FRMD6: variants seen among roughly 807,000 people sequenced by gnomAD.
The protein encoded by FRMD6 is FERM domain-containing protein 6.
A neutral mutation model predicts 73.2 loss-of-function variants in FRMD6; 37 were observed. The ratio of observed to expected loss-of-function variants is 0.51; its 90% confidence interval spans 0.39 to 0.66. The LOEUF is 0.66. Ranked by LOEUF, FRMD6 falls within the 30% of genes least tolerant of loss-of-function variation. The pLI is 0.00. For synonymous variants in FRMD6, 273 were observed against 282.2 expected (o/e 0.97, Z 0.33); for missense variants, 714 against 780.5 (o/e 0.91, Z 1.02).
chr14:51,474,567 A>G, the FRMD6 span, among the ~76,000 whole-genome samples: 2 of 152,214 alleles, frequency 1.3e-5, no homozygotes, highest in Non-Finnish European at 2.9e-5. Flanking sequence ...AGAAAGGAAG[A>G]GGGAGAATTC....
the FRMD6 span, among the ~76,000 whole-genome samples, chr14:51,441,196 A>T: frequency 4.6e-5 from 7 of 152,216 alleles, no homozygotes; most frequent in Non-Finnish European, 1.0e-4. Context: ...TGTTATATGG[A>T]CACATTGTAT....
At chr14:51,479,259 G>A in the FRMD6 span, among the ~76,000 whole-genome samples, 1 of 152,158 alleles carries the variant, frequency 6.6e-6, no homozygotes, top group Non-Finnish European at 1.5e-5. Flanking sequence ...TAAAGGGTTG[G>A]TTTAACATTT....
chr14:51,562,103 G>A (rs543296532), intron 1 of FRMD6, among the ~76,000 whole-genome samples: 1 of 152,184 alleles, frequency 6.6e-6, no homozygotes, highest in Non-Finnish European at 1.5e-5. Context: ...ACTCCAAGAC[G>A]AGTTGAGCGA....
At chr14:51,520,925 A>G (rs967832075) in intron 1 of FRMD6, among the ~76,000 whole-genome samples, 18 of 152,130 alleles carry the variant, frequency 1.2e-4, no homozygotes, top group South Asian at 6.2e-4. Context: ...TACGTAAATA[A>G]AAAAAATAAA....
chr14:51,684,876 A>G (rs2140326244), intron 1 of FRMD6, among the ~76,000 whole-genome samples: 1 of 152,358 alleles, frequency 6.6e-6, no homozygotes, highest in East Asian at 1.9e-4. Context: ...ATATGTAGCT[A>G]GTGAAGTGAC....
At chr14:51,706,085 C>T (rs576499410) in intron 6 of FRMD6, among the ~76,000 whole-genome samples, 1 of 152,248 alleles carries the variant, frequency 6.6e-6, no homozygotes, top group South Asian at 2.1e-4. Flanking sequence ...TCTACGTATT[C>T]CTACCTCTGA....
chr14:51,424,962 A>G, the FRMD6 span, among the ~76,000 whole-genome samples: 1 of 152,304 alleles, frequency 6.6e-6, no homozygotes, highest in Middle Eastern at 3.4e-3. Flanking sequence ...CTGTGAACAC[A>G]TGGTGCATTT....
intron 12 of FRMD6, among the ~76,000 whole-genome samples, chr14:51,723,864 A>G (rs1173404216): frequency 6.6e-6 from 1 of 152,144 alleles, no homozygotes; most frequent in Non-Finnish European, 1.5e-5. Context: ...TTCAAACAAT[A>G]TTTAATAACA....
At chr14:51,562,866 G>T (rs1887555680) in intron 1 of FRMD6, among the ~76,000 whole-genome samples, 1 of 152,220 alleles carries the variant, frequency 6.6e-6, no homozygotes, top group Admixed American at 6.5e-5. Flanking sequence ...GATACTCTTG[G>T]ATATAGAATT....
chr14:51,459,519 T>G, the FRMD6 span, among the ~76,000 whole-genome samples: 1 of 152,134 alleles, frequency 6.6e-6, no homozygotes, highest in Non-Finnish European at 1.5e-5. Flanking sequence ...TACTCTTTGC[T>G]TTTCTCCTTG....
At chr14:51,587,339 C>A (rs1400947506) in intron 2 of FRMD6, among the ~76,000 whole-genome samples, 1 of 152,114 alleles carries the variant, frequency 6.6e-6, no homozygotes, top group Non-Finnish European at 1.5e-5. Flanking sequence ...GCAGTGACAC[C>A]TCTGAGTGTC....
intron 1 of FRMD6, among the ~76,000 whole-genome samples, chr14:51,661,059 T>A (rs1893189291): frequency 6.6e-6 from 1 of 152,090 alleles, no homozygotes; most frequent in South Asian, 2.1e-4. Context: ...GACTTGACTG[T>A]GAGTGGAATG....
At chr14:51,399,264 C>T in the FRMD6 span, among the ~76,000 whole-genome samples, 1 of 152,204 alleles carries the variant, frequency 6.6e-6, no homozygotes, top group South Asian at 2.1e-4. Flanking sequence ...ATGCATGTCT[C>T]ACACTTGTCT....
rs531658049 is a variant in FRMD6 at position 51,702,599 on chromosome 14, A to AGG, written c.371+15_371+16dup. 6.2e-7 allele frequency: 1 copy of AGG among 1,603,930 alleles called. No individual in the cohort carries two copies. The highest frequency in any genetic ancestry group is 1.1e-5 in the South Asian group (1 of 89,646). On this transcript the variant is annotated intron_variant, in intron 5 of 13. Coordinates refer to ENST00000344768, the MANE Select transcript of FRMD6 (RefSeq NM_001267046.2). ...TGGCAGATTGATCAGGTAAGAGGACAGGGGGTGATTCTAAACGCTTTTTTT... is the reference window on the plus strand; with the variant it reads ...TGGCAGATTGATCAGGTAAGAGGACAGGGGGGGTGATTCTAAACGCTTTTTTT...
At chr14:51,657,082 A>G (rs527701089) in intron 1 of FRMD6, among the ~76,000 whole-genome samples, 5 of 152,232 alleles carry the variant, frequency 3.3e-5, no homozygotes, top group Non-Finnish European at 2.9e-5. Context: ...TTCTTGATGC[A>G]TATTTTAGGA....
the FRMD6 span, among the ~76,000 whole-genome samples, chr14:51,413,763 A>G: frequency 6.6e-6 from 1 of 152,172 alleles, no homozygotes; most frequent in South Asian, 2.1e-4. Context: ...GAACTAGTTT[A>G]CACTCCTACC....
intron 1 of FRMD6, among the ~76,000 whole-genome samples, chr14:51,490,932 C>A (rs756764963): frequency 4.6e-4 from 70 of 152,224 alleles, no homozygotes; most frequent in Non-Finnish European, 9.7e-4. Flanking sequence ...AGATTTGGAC[C>A]CTGTTTGTGA....
chr14:51,535,289 ACAAT>A (rs1165609303), intron 1 of FRMD6, among the ~76,000 whole-genome samples: 2 of 152,208 alleles, frequency 1.3e-5, no homozygotes, highest in African/African-American at 4.8e-5. Context: ...CAACCATCAC[ACAAT>A]CAATTTTAGA....
At chr14:51,433,493 A>G in the FRMD6 span, among the ~76,000 whole-genome samples, 1 of 152,230 alleles carries the variant, frequency 6.6e-6, no homozygotes, top group African/African-American at 2.4e-5. Context: ...GAATACTAAA[A>G]GCTCATATCA....
Sources: gnomAD v4.1 joint callset for allele counts (sites outside exome capture counted in the v4.1 genomes callset) on GRCh38, gnomAD v4.1.1 for gene constraint, MANE v1.5 for transcripts, NCBI Gene and HGNC (gene_info 2026-07-23, HGNC 2026-07-21) for gene names.